PCDH11X: variants seen among roughly 807,000 people sequenced by gnomAD.
PCDH11X encodes protocadherin 11 X-linked, also known as protocadherin-11 X-linked.
In PCDH11X, 18 loss-of-function variants were observed where a neutral mutation model predicts 53.3. The observed-to-expected ratio is 0.34, with a 90% CI of 0.23 to 0.50. The LOEUF is 0.50. PCDH11X is among the 20% of genes least tolerant of loss of function. PCDH11X has a pLI of 0.98. For missense variants in PCDH11X, 570 were observed against 1,032.4 expected (o/e 0.55, Z 6.14); for synonymous variants, 279 against 393.3 (o/e 0.71, Z 3.44).
At chrX:92,577,382 A>G (rs1380705352) in intron 10 of PCDH11X, among the ~76,000 whole-genome samples, 2 of 109,630 alleles carry the variant, frequency 1.8e-5, no homozygotes, top group Non-Finnish European at 3.8e-5. Context: ...CTGTGGAGTC[A>G]GTGGTGGTAT....
At chrX:91,916,823 T>A (rs1170863352) in intron 6 of PCDH11X, among the ~76,000 whole-genome samples, 2 of 110,649 alleles carry the variant, frequency 1.8e-5, no homozygotes, top group African/African-American at 3.3e-5. Context: ...CTATGAAGTG[T>A]CACCCTAATA....
chrX:92,215,756 T>G (rs777542856), intron 7 of PCDH11X, among the ~76,000 whole-genome samples: 1 of 106,520 alleles, frequency 9.4e-6, no homozygotes, highest in African/African-American at 3.4e-5. Flanking sequence ...CCTCCTCAAG[T>G]GTATCCCTGA....
chrX:92,500,112 T>C (rs1266261154), intron 10 of PCDH11X, among the ~76,000 whole-genome samples: 1 of 111,421 alleles, frequency 9.0e-6, no homozygotes, highest in Non-Finnish European at 1.9e-5. Flanking sequence ...AGACATTCTT[T>C]GACACACAGA....
intron 6 of PCDH11X, among the ~76,000 whole-genome samples, chrX:91,892,050 A>T (rs867494032): frequency 1.0e-5 from 1 of 99,905 alleles, no homozygotes; most frequent in African/African-American, 3.6e-5. Context: ...TGTGTGTTAG[A>T]GAGAGAGAGA....
intron 10 of PCDH11X, among the ~76,000 whole-genome samples, chrX:92,600,294 G>A (rs1314904910): frequency 9.0e-6 from 1 of 110,529 alleles, no homozygotes; most frequent in Non-Finnish European, 1.9e-5. Context: ...CCTCATGGCA[G>A]CACCTACAGT....
At chrX:92,114,428 T>C in intron 6 of PCDH11X, 1 of 877,024 alleles carries the variant, frequency 1.1e-6, no homozygotes, top group Non-Finnish European at 1.7e-6. Flanking sequence ...TCGGGGCCAT[T>C]GTCTCTGGAT....
At chrX:92,297,573 C>T (rs1252885884) in intron 8 of PCDH11X, among the ~76,000 whole-genome samples, 3 of 111,214 alleles carry the variant, frequency 2.7e-5, no homozygotes, top group Middle Eastern at 4.7e-3. Flanking sequence ...AGTTTGAAGT[C>T]GGGTAATGTG....
chrX:92,427,282 T>C (rs1161810922), intron 9 of PCDH11X, among the ~76,000 whole-genome samples: 1 of 102,576 alleles, frequency 9.7e-6, no homozygotes, highest in Non-Finnish European at 2.0e-5. Context: ...CCAAATTTTT[T>C]CTAGTTTAAA....
intron 8 of PCDH11X, among the ~76,000 whole-genome samples, chrX:92,348,177 C>T (rs2069948974): frequency 9.0e-6 from 1 of 111,716 alleles, no homozygotes; most frequent in African/African-American, 3.3e-5. Context: ...GTAATTGAAT[C>T]AGCTTTGTTA....
chrX:92,067,803 T>C (rs775376190), intron 6 of PCDH11X, among the ~76,000 whole-genome samples: 1 of 111,730 alleles, frequency 9.0e-6, no homozygotes, highest in South Asian at 3.7e-4. Context: ...GGCTTTTCTT[T>C]CCTGGGAGAC....
intron 6 of PCDH11X, among the ~76,000 whole-genome samples, chrX:91,950,607 T>TATATATATATATATATATAC (rs772420274): frequency 1.0e-4 from 10 of 97,725 alleles, no homozygotes; most frequent in East Asian, 3.1e-4. Context: ...TATATATATA[T>TATATATATATATATATATAC]ACACACACAC....
chrX:92,153,986 G>GA (rs2065484223), intron 6 of PCDH11X, among the ~76,000 whole-genome samples: 1 of 111,737 alleles, frequency 8.9e-6, no homozygotes, highest in South Asian at 3.7e-4. Context: ...TAATGCCTGT[G>GA]AAAAATTTTT....
chrX:92,545,602 T>C (rs1419506550), intron 10 of PCDH11X, among the ~76,000 whole-genome samples: 1 of 109,674 alleles, frequency 9.1e-6, no homozygotes, highest in Non-Finnish European at 1.9e-5. Flanking sequence ...GGTTTCACCA[T>C]GTTGGCCAGA....
chrX:92,422,137 T>A (rs1362902767), intron 9 of PCDH11X, among the ~76,000 whole-genome samples: 1 of 105,025 alleles, frequency 9.5e-6, no homozygotes, highest in East Asian at 3.0e-4. Flanking sequence ...TTCTTTTCTT[T>A]TTTTTTTTTT....
At chrX:92,218,613 G>C (rs2066779820) in intron 7 of PCDH11X, among the ~76,000 whole-genome samples, 1 of 111,199 alleles carries the variant, frequency 9.0e-6, no homozygotes, top group Non-Finnish European at 1.9e-5. Flanking sequence ...AATTCTACCA[G>C]AGGTACAAGG....
chrX:91,919,068 C>T (rs750098887), intron 6 of PCDH11X, among the ~76,000 whole-genome samples: 6 of 111,751 alleles, frequency 5.4e-5, no homozygotes, highest in Non-Finnish European at 1.1e-4. Context: ...CTGTTCAATT[C>T]AGTAGGGATC....
At chrX:91,866,472 T>G (rs775227435) in intron 5 of PCDH11X, among the ~76,000 whole-genome samples, 1 of 110,432 alleles carries the variant, frequency 9.1e-6, no homozygotes, top group East Asian at 2.9e-4. Flanking sequence ...TGTGGGCGAT[T>G]GTCAGCTGCG....
chrX:92,122,195 C>T (rs946218086), intron 6 of PCDH11X, among the ~76,000 whole-genome samples: 4 of 109,815 alleles, frequency 3.6e-5, no homozygotes, highest in African/African-American at 1.3e-4. Flanking sequence ...GTTGGCCAGG[C>T]TGGTCTCGAA....
chrX:92,487,484 G>T (rs1254757253), intron 10 of PCDH11X, among the ~76,000 whole-genome samples: 2 of 110,460 alleles, frequency 1.8e-5, no homozygotes, highest in African/African-American at 6.6e-5. Context: ...AATTTCTTCA[G>T]ATTCTAAAAC....
Sources: gnomAD v4.1 joint callset for allele counts (sites outside exome capture counted in the v4.1 genomes callset) on GRCh38, gnomAD v4.1.1 for gene constraint, MANE v1.5 for transcripts, NCBI Gene and HGNC (gene_info 2026-07-23, HGNC 2026-07-21) for gene names.